UGT1A10: variants seen among roughly 807,000 people sequenced by gnomAD.
UGT1A10 encodes UDP glucuronosyltransferase family 1 member A10, also known as UDP-glucuronosyltransferase 1A10.
Under a neutral mutation model 45.8 loss-of-function variants are expected in UGT1A10, and 49 were observed. The ratio of observed to expected loss-of-function variants is 1.07; its 90% CI spans 0.85 to 1.36. UGT1A10 has a LOEUF of 1.36. Ranked by LOEUF, UGT1A10 falls within the 40% of genes most tolerant of loss-of-function variation. UGT1A10 has a pLI of 0.00. For synonymous variants in UGT1A10, 284 were observed against 249.7 expected, an observed-to-expected ratio of 1.14 and a Z score of -1.29; for missense variants, 745 against 668.6, an observed-to-expected ratio of 1.11 and a Z score of -1.26.
intron 1 of UGT1A10, among the ~76,000 whole-genome samples, chr2:233,711,138 C>G (rs1200151642): frequency 1.3e-5 from 2 of 152,230 alleles, no homozygotes; most frequent in Non-Finnish European, 2.9e-5. Flanking sequence ...AAGCTGATGC[C>G]TTGGGCTGCT....
chr2:233,710,601 T>C (rs2076138881), intron 1 of UGT1A10, among the ~76,000 whole-genome samples: 2 of 152,296 alleles, frequency 1.3e-5, no homozygotes, highest in Admixed American at 1.3e-4. Flanking sequence ...CCTTTATTGG[T>C]TTGTTTGTCT....
intron 1 of UGT1A10, chr2:233,719,291 T>C (rs2011404): frequency 0.85 from 1,366,998 of 1,613,952 alleles, 580,228 homozygotes; most frequent in East Asian, 0.99. Flanking sequence ...TTAACCTCTG[T>C]GGGGCGGTGC....
rs1343338419 is a variant in UGT1A10, at chr2:233,702,269, GC to G, written c.856-64764del. Among the ~76,000 whole-genome samples the G allele has an allele frequency of 3.3e-5, 5 of 152,172 alleles. No homozygotes were observed. In the South Asian group the frequency reaches 8.3e-4, roughly 25 times the overall value. Reference sequence around the variant, plus strand: ...ATTCCATTCACAAAATACATGAATAGCTTTTTCCCTTTAGCATAAAGAGTTT... The same window carrying G: ...ATTCCATTCACAAAATACATGAATAGTTTTTCCCTTTAGCATAAAGAGTTT... On this transcript the variant is annotated intron_variant, in intron 1 of 4. Transcript: ENST00000344644.
Position 233,747,651 on chromosome 2 carries a change from G to A in UGT1A10, c.856-19383G>A, listed in dbSNP as rs566750548. ...CAGGCACCTGAATGCTACTTCCTTC[G>A]ATGTGGTTTTAATAGACCCAATTTA... On this transcript the variant is annotated intron_variant, in intron 1 of 4. Coordinates refer to ENST00000344644, the MANE Select transcript of UGT1A10 (RefSeq NM_019075.4). The A allele has an allele frequency of 2.5e-5, 39 of 1,588,728 alleles. No individual in the cohort carries two copies. The African/African-American group carries it at 3.1e-4, about 13-fold the overall frequency.
intron 1 of UGT1A10, 106 bp downstream of exon 1, chr2:233,637,483 ATTTC>A: frequency 2.7e-6 from 4 of 1,497,570 alleles, no homozygotes; most frequent in Middle Eastern, 1.8e-4. Context: ...TGCATTTCAA[ATTTC>A]TTTCCAGTTT....
chr2:233,642,633 G>A (rs1479850098), intron 1 of UGT1A10, among the ~76,000 whole-genome samples: 1 of 152,178 alleles, frequency 6.6e-6, no homozygotes, highest in South Asian at 2.1e-4. Flanking sequence ...AGTCTTCATT[G>A]TCTGGGCTTA....
intron 1 of UGT1A10, among the ~76,000 whole-genome samples, chr2:233,671,360 A>AT (rs987041787): frequency 6.6e-6 from 1 of 152,142 alleles, no homozygotes; most frequent in African/African-American, 2.4e-5. Flanking sequence ...TCATTTCAGC[A>AT]TTTTAGAGGC....
chr2:233,654,783 A>G (rs190797944), intron 1 of UGT1A10, among the ~76,000 whole-genome samples: 11 of 152,144 alleles, frequency 7.2e-5, no homozygotes, highest in Non-Finnish European at 1.3e-4. Context: ...CAGTGGCTCT[A>G]TGTGAGTAGT....
At chr2:233,688,575 A>C (rs2074901889) in intron 1 of UGT1A10, among the ~76,000 whole-genome samples, 2 of 152,162 alleles carry the variant, frequency 1.3e-5, no homozygotes, top group South Asian at 4.1e-4. Flanking sequence ...ACATGAGTTC[A>C]TCTTGTTTTG....
chr2:233,767,045 C>G lies in UGT1A10; in HGVS notation c.867C>G (p.Ala289=), dbSNP rs900263261. 1.9e-6 allele frequency: 3 copies of G among 1,614,006 alleles called. No homozygotes were observed. The African/African-American group carries it at 4.0e-5, about 22-fold the overall frequency. The change falls in exon 2 of 5, where the codon GCC becomes GCG. Residue 289 remains alanine, a synonymous_variant. Coordinates refer to ENST00000344644, the MANE Select transcript of UGT1A10 (RefSeq NM_019075.4). ...QGKPLPMEFE[A]YINASGEHGI... is the part of the protein sequence containing the mutation. ...TCTTCTGGCTCTAGGAATTTGAAGC[C>G]TACATTAATGCTTCTGGAGAACATG...
At chr2:233,682,601 T>A in intron 1 of UGT1A10, 1 of 1,613,932 alleles carries the variant, frequency 6.2e-7, no homozygotes, top group Non-Finnish European at 8.5e-7. Context: ...ATTTTGCCCC[T>A]ATTTTTTCAA....
chr2:233,728,405 T>C (rs1373851187), intron 1 of UGT1A10, among the ~76,000 whole-genome samples: 2 of 152,184 alleles, frequency 1.3e-5, no homozygotes, highest in Non-Finnish European at 2.9e-5. Context: ...CCATGTGTGC[T>C]TTAGATAGCA....
At chr2:233,747,557 A>G (rs1485247055) in intron 1 of UGT1A10, 14 of 1,596,092 alleles carry the variant, frequency 8.8e-6, no homozygotes, top group Non-Finnish European at 8.6e-6. Flanking sequence ...AAAGTATGGC[A>G]ATTTTGAAAA....
rs570829500 is a variant in UGT1A10, at chr2:233,743,629, T to G, written c.856-23405T>G. 70 of 1,367,302 alleles carry G rather than the reference T, an allele frequency of 5.1e-5. 1 individual carries two copies. The highest frequency in any genetic ancestry group is 2.7e-4 in the East Asian group (6 of 21,984). The allele number at this position is 1,367,302 out of a possible 1,614,324, so 84.7% of individuals were successfully genotyped here. The stretch of plus-strand genomic sequence containing the variant: ...CGAAGAACTCCCTGAAGACGTCGGC[T>G]GGGTCGCGGAAGCTGAAGACGTACT... On this transcript the variant is annotated intron_variant, in intron 1 of 4. Transcript: ENST00000344644.
intron 1 of UGT1A10, among the ~76,000 whole-genome samples, chr2:233,701,608 A>G (rs2075638056): frequency 6.6e-6 from 1 of 152,234 alleles, no homozygotes; most frequent in African/African-American, 2.4e-5. Context: ...AGCACTCCTC[A>G]GCAAACGTAA....
intron 1 of UGT1A10, among the ~76,000 whole-genome samples, chr2:233,646,313 T>C (rs1431882268): frequency 1.3e-5 from 2 of 151,966 alleles, no homozygotes; most frequent in African/African-American, 2.4e-5. Context: ...TGACATGCCC[T>C]GGAGACATTT....
At chr2:233,766,576 G>A (rs983735374) in intron 1 of UGT1A10, among the ~76,000 whole-genome samples, 1 of 152,162 alleles carries the variant, frequency 6.6e-6, no homozygotes, top group Non-Finnish European at 1.5e-5. Flanking sequence ...GCACAGGTCT[G>A]GGGGTGGAGC....
At chr2:233,728,480 C>T (rs1317741863) in intron 1 of UGT1A10, among the ~76,000 whole-genome samples, 1 of 152,156 alleles carries the variant, frequency 6.6e-6, no homozygotes, top group Non-Finnish European at 1.5e-5. Context: ...ATCTGATCAT[C>T]ACATCTTGAG....
chr2:233,721,336 T>C (rs1211352998), intron 1 of UGT1A10, among the ~76,000 whole-genome samples: 1 of 152,216 alleles, frequency 6.6e-6, no homozygotes, highest in African/African-American at 2.4e-5. Context: ...TTTTTCACTA[T>C]GAATATATTC....
Sources: gnomAD v4.1 joint callset for allele counts (sites outside exome capture counted in the v4.1 genomes callset) on GRCh38, gnomAD v4.1.1 for gene constraint, MANE v1.5 for transcripts, NCBI Gene and HGNC (gene_info 2026-07-23, HGNC 2026-07-21) for gene names.